CFAP46: variants seen among roughly 807,000 people sequenced by gnomAD.
The protein encoded by CFAP46 is cilia- and flagella-associated protein 46.
A neutral mutation model predicts 325.7 loss-of-function variants in CFAP46; 245 were observed. The observed-to-expected ratio is 0.75, with a 90% CI of 0.68 to 0.84. The LOEUF (loss-of-function observed/expected upper bound fraction) is 0.84. Among genes scored for constraint, CFAP46 ranks in the 40% least tolerant of loss-of-function variants. The pLI, the probability that CFAP46 is intolerant of heterozygous loss-of-function variation, is 0.00. For synonymous variants in CFAP46, 1,523 were observed against 1,495.9 expected, an observed-to-expected ratio of 1.02 and a Z score of -0.42; for missense variants, 3,346 against 3,543.0, an observed-to-expected ratio of 0.94 and a Z score of 1.41.
Position 132,832,670 on chromosome 10 carries a change from C to T in CFAP46, c.7117+688G>A. Reference sequence around the variant, plus strand: ...GAAGTGCAGAAAACTGCACGTACCGCAAGGGTAGCGCTCGGGGAAGCTTCA... The same window carrying T: ...GAAGTGCAGAAAACTGCACGTACCGTAAGGGTAGCGCTCGGGGAAGCTTCA... On this transcript the variant is annotated intron_variant, in intron 50 of 57. Transcript: ENST00000368586. This position sits in a 1 kb window ranked among gnomAD's most constrained non-coding sequence, Gnocchi z 4.1. 2.3e-6 allele frequency: 1 copy of T among 436,160 alleles called. No individual in the cohort carries two copies. The highest frequency in any genetic ancestry group is 1.6e-5 in the South Asian group (1 of 62,378). 27.0% of individuals were successfully genotyped at this position (436,160 alleles called of 1,614,324 possible). A position where few individuals can be genotyped will look rare whatever the true frequency, so the allele number is the denominator to read the frequency against.
chr10:132,894,787 A>G (rs929906196), intron 24 of CFAP46, among the ~76,000 whole-genome samples: 3 of 152,222 alleles, frequency 2.0e-5, no homozygotes, highest in Non-Finnish European at 4.4e-5. Flanking sequence ...ATCTCAACAG[A>G]CTTATAATAA....
Position 132,922,673 on chromosome 10 carries a change from T to C in CFAP46, c.1292A>G (p.Glu431Gly). The C allele has an allele frequency of 1.3e-6, 2 of 1,549,888 alleles. No homozygotes were observed. The highest frequency in any genetic ancestry group is 2.4e-5 in the South Asian group (2 of 84,046). Residue 431 changes from glutamate (E) to glycine (G), a missense_variant, in exon 12 of 58, where the codon GAG becomes GGG. By Grantham distance (98) the Glu-to-Gly change is moderately conservative. Coordinates refer to ENST00000368586, the MANE Select transcript of CFAP46 (RefSeq NM_001200049.3). ...MTLLRCQVHM[E>G]MAQIEEDEDR... The stretch of plus-strand genomic sequence containing the variant: ...CTCGTCCTCCTCGATCTGCGCCATC[T>C]CCATGTGCACTTGACAGCGGAGAAG...
chr10:132,910,723 A>T (rs1849529192), intron 19 of CFAP46, among the ~76,000 whole-genome samples: 1 of 152,150 alleles, frequency 6.6e-6, no homozygotes, highest in Non-Finnish European at 1.5e-5. Context: ...CCTTGTGAAC[A>T]CCTGCTCCTT....
Position 132,876,684 on chromosome 10 carries a change from G to T in CFAP46, c.4362+128C>A. The T allele has an allele frequency of 2.1e-6, 2 of 954,458 alleles. No homozygotes were observed. The highest frequency in any genetic ancestry group is 3.0e-6 in the Non-Finnish European group (2 of 656,208). The allele number at this position is 954,458 out of a possible 1,614,324, so 59.1% of individuals were successfully genotyped here. On this transcript the variant is annotated intron_variant, in intron 31 of 57. Transcript: ENST00000368586. The surrounding 1 kb of genome is among the most constrained non-coding windows in gnomAD (Gnocchi z 4.1). ...TGGGAGGGCCTGTGGGAGGCTGGGGGCTGATGGGACTCTGTCCTGTCCTCC... is the reference window on the plus strand; with the variant it reads ...TGGGAGGGCCTGTGGGAGGCTGGGGTCTGATGGGACTCTGTCCTGTCCTCC...
At chr10:132,810,226 G>A (rs1365565567) in intron 57 of CFAP46, among the ~76,000 whole-genome samples, 183 bp downstream of exon 57, 2 of 152,202 alleles carry the variant, frequency 1.3e-5, no homozygotes, top group Admixed American at 1.3e-4. Flanking sequence ...CAGAGACGCA[G>A]GCAACTTCCA....
chr10:132,879,521 C>T lies in CFAP46; in HGVS notation c.3910G>A (p.Val1304Met), dbSNP rs754794980. 3.2e-5 allele frequency: 50 copies of T among 1,547,042 alleles called. No homozygotes were observed. The Admixed American group carries it at 5.5e-4, about 17-fold the overall frequency. The change falls in exon 29 of 58, where the codon GTG becomes ATG. Residue 1304 changes from valine to methionine, a missense_variant. Val to Met is a conservative substitution (Grantham distance 21). Transcript: ENST00000368586. ...AGCACCAGGGCCAGCAGGATGTGCA[C>T]GCGGGCCAGCGCCTCCAGCTGCCGC... ...SVRQLEALAR[V>M]HILLALVLSP... is the part of the protein sequence containing the mutation.
At chr10:132,909,871 T>A in intron 20 of CFAP46, 48 bp downstream of exon 20, 1 of 1,365,278 alleles carries the variant, frequency 7.3e-7, no homozygotes. Context: ...CAGATCTCTA[T>A]GTCCACAGGG....
intron 55 of CFAP46, 75 bp from the exon 56 acceptor site, chr10:132,811,106 G>T: frequency 2.3e-6 from 3 of 1,321,236 alleles, no homozygotes; most frequent in Non-Finnish European, 3.2e-6. Context: ...GGCAGGTGGG[G>T]CCTGTGCCCC....
intron 26 of CFAP46, 106 bp downstream of exon 26, chr10:132,885,715 G>A (rs1421124870): frequency 4.0e-6 from 5 of 1,241,238 alleles, no homozygotes; most frequent in South Asian, 1.4e-5. Flanking sequence ...CGGTGGGGAT[G>A]CAGTGGGTGG....
intron 50 of CFAP46, among the ~76,000 whole-genome samples, chr10:132,822,606 T>G (rs1201784119): frequency 7.3e-6 from 1 of 137,800 alleles, no homozygotes; most frequent in African/African-American, 2.8e-5. Flanking sequence ...TGCTGATGTG[T>G]GCTGTGTGTT....
intron 27 of CFAP46, among the ~76,000 whole-genome samples, chr10:132,882,995 A>G (rs527980459): frequency 1.7e-4 from 26 of 152,308 alleles, no homozygotes; most frequent in Admixed American, 5.2e-4. Flanking sequence ...ACTCATTAAC[A>G]TAACAGCTAC....
At chr10:132,814,966 C>T (rs749552401) in intron 50 of CFAP46, 52 bp from the exon 51 acceptor site, 3 of 1,520,234 alleles carry the variant, frequency 2.0e-6, no homozygotes, top group South Asian at 2.3e-5. Context: ...TCGAGGCAGC[C>T]CTCCGGCCAC....
chr10:132,921,991 T>A, intron 13 of CFAP46, 113 bp downstream of exon 13: 1 of 1,323,254 alleles, frequency 7.6e-7, no homozygotes, highest in Non-Finnish European at 1.0e-6. Flanking sequence ...AAGGTCCTTG[T>A]GCATCCAGGG....
Position 132,919,999 on chromosome 10 carries a change from T to C in CFAP46, c.1730+60A>G. On this transcript the variant is annotated intron_variant, in intron 14 of 57. Transcript: ENST00000368586. The surrounding 1 kb of genome is among the most constrained non-coding windows in gnomAD (Gnocchi z 9.7). ...GCTCAGCCGCCACAGACACTGGCCC[T>C]CGGGCTGAGCGACCCCCGGGCTGAG... The C allele has an allele frequency of 2.1e-6, 3 of 1,442,048 alleles. No homozygotes were observed. The highest frequency in any genetic ancestry group is 2.7e-6 in the Non-Finnish European group (3 of 1,095,216). The allele number at this position is 1,442,048 out of a possible 1,614,324, so 89.3% of individuals were successfully genotyped here. A position where few individuals can be genotyped will look rare whatever the true frequency, so the allele number is the denominator to read the frequency against.
At chr10:132,927,303 C>T (rs532239733) in intron 9 of CFAP46, among the ~76,000 whole-genome samples, 2 of 151,128 alleles carry the variant, frequency 1.3e-5, no homozygotes, top group Middle Eastern at 3.4e-3. Context: ...ACAGACGTCC[C>T]GGGGAGCAGG....
chr10:132,872,074 T>A (rs142466944), intron 32 of CFAP46, among the ~76,000 whole-genome samples: 3 of 152,230 alleles, frequency 2.0e-5, no homozygotes, highest in Non-Finnish European at 2.9e-5. Context: ...TACAGAATAG[T>A]GTAAACCTAA....
chr10:132,883,263 CA>C (rs1849074038), intron 27 of CFAP46, among the ~76,000 whole-genome samples: 1 of 152,150 alleles, frequency 6.6e-6, no homozygotes, highest in African/African-American at 2.4e-5. Context: ...CACGATACAC[CA>C]TGAGCTCCTC....
intron 48 of CFAP46, 53 bp downstream of exon 48, chr10:132,834,601 C>T: frequency 2.5e-6 from 4 of 1,598,772 alleles, no homozygotes; most frequent in South Asian, 1.1e-5. Flanking sequence ...ACTGGACACA[C>T]GTGTCCATGC....
intron 50 of CFAP46, among the ~76,000 whole-genome samples, chr10:132,823,778 GT>G: frequency 8.3e-6 from 1 of 121,020 alleles, no homozygotes; most frequent in Non-Finnish European, 1.9e-5. Context: ...TGTGTGCTGT[GT>G]GTGCACTGAT....
Sources: allele counts gnomAD v4.1 joint callset (sites outside exome capture counted in the v4.1 genomes callset), GRCh38; gene constraint gnomAD v4.1.1; non-coding constraint Gnocchi (gnomAD v3.1); transcripts MANE v1.5; gene names NCBI Gene and HGNC (gene_info 2026-07-23, HGNC 2026-07-21).